EFCAB6: variants seen among roughly 807,000 people sequenced by gnomAD.
EFCAB6 encodes EF-hand calcium-binding domain-containing protein 6.
A neutral mutation model predicts 169.8 loss-of-function variants in EFCAB6; 156 were observed. The observed-to-expected ratio is 0.92, with a 90% CI of 0.81 to 1.05. The LOEUF is 1.05. EFCAB6 is among the 50% of genes least tolerant of loss of function. The pLI is 0.00. For synonymous variants in EFCAB6, 698 were observed against 676.4 expected (o/e 1.03, Z -0.50); for missense variants, 1,800 against 1,829.1 (o/e 0.98, Z 0.29).
rs185952491 is a variant in EFCAB6, at chr22:43,658,696, G to T, written c.1983+8408C>A. ...CACAGCTGGATGCCAAGAGAATCTG[G>T]CCGTGTCCTCGGTGGAAGGACATTG... On this transcript the variant is annotated intron_variant, in intron 17 of 31. Transcript: ENST00000262726. Among the ~76,000 whole-genome samples, 153 of 152,320 alleles carry T rather than the reference G, an allele frequency of 1.0e-3. 1 individual carries two copies. Among genetic ancestry groups the T allele is most frequent in the African/African-American group, 3.5e-3 (145 of 41,576 alleles).
intron 24 of EFCAB6, among the ~76,000 whole-genome samples, chr22:43,588,235 C>T (rs2051208828): frequency 1.3e-5 from 2 of 152,032 alleles, no homozygotes; most frequent in Admixed American, 1.3e-4. Flanking sequence ...CTCAGTGCCC[C>T]GTCCTCCACT....
rs2047436099 is a variant in EFCAB6, at chr22:43,537,237, G to T, written c.4048+140C>A. On this transcript the variant is annotated intron_variant, in intron 29 of 31. Coordinates refer to ENST00000262726, the MANE Select transcript of EFCAB6 (RefSeq NM_022785.4). The surrounding 1 kb of genome is among the most constrained non-coding windows in gnomAD (Gnocchi z 4.3). ...GGACCTTTGTATAGTAAGCTGCACAGCCCACCCAGAAGTTCCCACCAGTTT... is the reference window on the plus strand; with the variant it reads ...GGACCTTTGTATAGTAAGCTGCACATCCCACCCAGAAGTTCCCACCAGTTT... 1 of 1,074,542 alleles carries T rather than the reference G, an allele frequency of 9.3e-7. No homozygotes were observed. The highest frequency in any genetic ancestry group is 1.4e-6 in the Non-Finnish European group (1 of 738,392). 66.6% of individuals were successfully genotyped at this position (1,074,542 alleles called of 1,614,324 possible). A position where few individuals can be genotyped will look rare whatever the true frequency, so the allele number is the denominator to read the frequency against.
At chr22:43,735,809 G>A in intron 7 of EFCAB6, 48 bp downstream of exon 7, 1 of 1,600,026 alleles carries the variant, frequency 6.2e-7, no homozygotes, top group Non-Finnish European at 8.5e-7. Context: ...TCTGAAATTG[G>A]TTAAAAGTTC....
At chr22:43,761,539 A>C (rs897507190) in intron 5 of EFCAB6, among the ~76,000 whole-genome samples, 2 of 152,334 alleles carry the variant, frequency 1.3e-5, no homozygotes, top group East Asian at 1.9e-4. Context: ...TACTTCTTCA[A>C]ATATTCATTT....
intron 2 of EFCAB6, among the ~76,000 whole-genome samples, chr22:43,786,946 G>GA (rs2062100356): frequency 6.6e-6 from 1 of 151,264 alleles, no homozygotes; most frequent in Non-Finnish European, 1.5e-5. Flanking sequence ...TATTAATCAA[G>GA]GAAAAAAAAC....
chr22:43,626,459 T>A lies in EFCAB6; in HGVS notation c.2453A>T (p.Gln818Leu), dbSNP rs2054530946. The A allele has an allele frequency of 6.2e-7, 1 of 1,614,174 alleles. No individual in the cohort carries two copies. Among genetic ancestry groups the A allele is most frequent in the Admixed American group, 1.7e-5 (1 of 60,018 alleles). The change falls in exon 20 of 32, where the codon CAA becomes CTA. Residue 818 changes from glutamine (Q) to leucine (L), a missense_variant. Gln to Leu is a moderately radical substitution (Grantham distance 113, BLOSUM62 -2). Transcript: ENST00000262726. ...GCTGCCTTCTTACCTAATGAGTCTT[T>A]GAGGCGCTTCATCTGTTCTCCATGG... ...KRPWRTDEAPQRLIRPKQKVA... is the reference protein window; with the variant it reads ...KRPWRTDEAPLRLIRPKQKVA...
intron 13 of EFCAB6, among the ~76,000 whole-genome samples, chr22:43,676,028 ATC>A (rs1204328817): frequency 1.3e-5 from 2 of 151,962 alleles, no homozygotes; most frequent in Non-Finnish European, 2.9e-5. Flanking sequence ...ACCACTGAAA[ATC>A]TTATTTATGA....
At position 43,678,329 on chromosome 22, in the gene EFCAB6, CTGTGTGTGTGTGTGTG is replaced by C. The variant is rs137787; in HGVS notation, c.1252-182_1252-167del. 1.1e-3 allele frequency among the ~76,000 whole-genome samples: 159 copies of C among 144,364 alleles called. 1 individual carries two copies. The highest frequency in any genetic ancestry group is 4.1e-3 in the South Asian group (18 of 4,350). 94.7% of individuals were successfully genotyped at this position (144,364 alleles called of 152,430 possible). A position where few individuals can be genotyped will look rare whatever the true frequency, so the allele number is the denominator to read the frequency against. On this transcript the variant is annotated intron_variant, in intron 12 of 31. Coordinates refer to ENST00000262726, the MANE Select transcript of EFCAB6 (RefSeq NM_022785.4). ...TGATGATCCTTACATAACATGAGCA[CTGTGTGTGTGTGTGTG>C]TGTGTGTGTGTGTGTGTGTGTAGGC...
intron 10 of EFCAB6, among the ~76,000 whole-genome samples, chr22:43,701,369 C>A (rs2058759111): frequency 6.6e-6 from 1 of 152,154 alleles, no homozygotes; most frequent in South Asian, 2.1e-4. Context: ...CAATCACCAT[C>A]TAGACTCAAG....
chr22:43,556,519 C>A (rs917163453), intron 26 of EFCAB6, among the ~76,000 whole-genome samples: 1 of 152,120 alleles, frequency 6.6e-6, no homozygotes, highest in African/African-American at 2.4e-5. Context: ...CCTACCATGC[C>A]CCTCAGTGCC....
At chr22:43,560,073 A>T (rs2048938571) in intron 26 of EFCAB6, among the ~76,000 whole-genome samples, 1 of 152,212 alleles carries the variant, frequency 6.6e-6, no homozygotes, top group South Asian at 2.1e-4. Context: ...TAATATACAT[A>T]TTATATTACA....
chr22:43,788,326 C>A (rs533468742), intron 2 of EFCAB6, among the ~76,000 whole-genome samples: 1 of 152,164 alleles, frequency 6.6e-6, no homozygotes, highest in African/African-American at 2.4e-5. Flanking sequence ...ATTTGCCAAT[C>A]ATATATCTGA....
intron 27 of EFCAB6, among the ~76,000 whole-genome samples, chr22:43,542,907 G>A (rs933931735): frequency 2.8e-4 from 43 of 152,328 alleles, no homozygotes; most frequent in African/African-American, 1.0e-3. Flanking sequence ...AAGCAAGTGA[G>A]TTTCCACATC....
At chr22:43,782,700 G>C (rs2061869029) in intron 2 of EFCAB6, among the ~76,000 whole-genome samples, 1 of 152,182 alleles carries the variant, frequency 6.6e-6, no homozygotes, top group Admixed American at 6.5e-5. Context: ...CAGAGGCAAA[G>C]CTGGGATGAC....
chr22:43,722,376 T>G (rs975751000), intron 8 of EFCAB6, among the ~76,000 whole-genome samples: 1 of 150,118 alleles, frequency 6.7e-6, no homozygotes, highest in Non-Finnish European at 1.5e-5. Flanking sequence ...AAAAAAAAAA[T>G]TAAAATTAGC....
At chr22:43,733,853 T>C (rs2060042768) in intron 7 of EFCAB6, among the ~76,000 whole-genome samples, 1 of 152,010 alleles carries the variant, frequency 6.6e-6, no homozygotes, top group Non-Finnish European at 1.5e-5. Context: ...GGACTACAGG[T>C]GTGCACCACC....
intron 2 of EFCAB6, among the ~76,000 whole-genome samples, chr22:43,804,584 T>C (rs61390778): frequency 0.08 from 12,219 of 151,984 alleles, 659 homozygotes; most frequent in South Asian, 0.21. Context: ...TATGGCAAGA[T>C]CCCATTTCTA....
intron 2 of EFCAB6, among the ~76,000 whole-genome samples, chr22:43,790,825 G>A (rs758221615): frequency 6.6e-5 from 10 of 152,174 alleles, no homozygotes; most frequent in Non-Finnish European, 1.3e-4. Flanking sequence ...CAGACCATGT[G>A]GTTTTTGTAA....
At chr22:43,790,105 C>T (rs1301441269) in intron 2 of EFCAB6, among the ~76,000 whole-genome samples, 1 of 152,112 alleles carries the variant, frequency 6.6e-6, no homozygotes, top group Non-Finnish European at 1.5e-5. Context: ...ACTTTGCTTT[C>T]CCTCTCTGGG....
Sources: allele counts gnomAD v4.1 joint callset (sites outside exome capture counted in the v4.1 genomes callset), GRCh38; gene constraint gnomAD v4.1.1; non-coding constraint Gnocchi (gnomAD v3.1); transcripts MANE v1.5; gene names NCBI Gene and HGNC (gene_info 2026-07-23, HGNC 2026-07-21).